The following FGF7 variants were observed in gnomAD, a reference collection of about 807,000 sequenced individuals.
The protein encoded by FGF7 is fibroblast growth factor 7, also known as FGF-7.
A neutral mutation model predicts 20.5 loss-of-function variants in FGF7; 6 were observed. That is an observed-to-expected ratio of 0.29 (90% CI 0.16 to 0.58). FGF7 has a LOEUF of 0.58. Among genes scored for constraint, FGF7 ranks in the 20% least tolerant of loss-of-function variants. The pLI is 0.90. For synonymous variants in FGF7, 64 were observed against 74.7 expected (o/e 0.86, Z 0.74); for missense variants, 144 against 228.8 (o/e 0.63, Z 2.39).
At chr15:49,431,721 G>A (rs1406540913) in intron 2 of FGF7, among the ~76,000 whole-genome samples, 3 of 151,670 alleles carry the variant, frequency 2.0e-5, no homozygotes, top group African/African-American at 7.2e-5. Context: ...AAGAGCAAAA[G>A]AGAAAAGGAA....
In FGF7 at chr15:49,431,701, C is replaced by G. The variant is rs552768678; in HGVS notation, c.286+7118C>G. Among the ~76,000 whole-genome samples, 136 of 151,624 alleles carry G rather than the reference C, an allele frequency of 9.0e-4. 5 individuals carry two copies. The South Asian group carries it at 0.027, about 30-fold the overall frequency. On this transcript the variant is annotated intron_variant, in intron 2 of 3. Transcript: ENST00000267843. ...AAGAGGAAGAAAATATCTTTGTGAA[C>G]AGGAGGAAAAAGAGCAAAAGAGAAA...
intron 2 of FGF7, among the ~76,000 whole-genome samples, chr15:49,427,977 T>C (rs539021980): frequency 6.6e-6 from 1 of 152,140 alleles, no homozygotes; most frequent in East Asian, 1.9e-4. Flanking sequence ...TTAATTACTG[T>C]GTTGTTTTGT....
rs1165172123 is a variant in FGF7 at position 49,477,220 on chromosome 15, G to A, written c.287-5931G>A. On this transcript the variant is annotated intron_variant, in intron 2 of 3. Coordinates refer to ENST00000267843, the MANE Select transcript of FGF7 (RefSeq NM_002009.4). ...GCCATCAGTTTATACTAAGGTCCACGTTTTGCTTTGTATAGTTCTATGAGT... is the reference window on the plus strand; with the variant it reads ...GCCATCAGTTTATACTAAGGTCCACATTTTGCTTTGTATAGTTCTATGAGT... Among the ~76,000 whole-genome samples, 8 of 152,196 alleles carry A rather than the reference G, an allele frequency of 5.3e-5. No homozygotes were observed. In the East Asian group the frequency reaches 5.8e-4, roughly 11 times the overall value.
chr15:49,433,232 C>A (rs2050772841), intron 2 of FGF7, among the ~76,000 whole-genome samples: 1 of 151,632 alleles, frequency 6.6e-6, no homozygotes, highest in African/African-American at 2.4e-5. Flanking sequence ...TGCTTTTCTA[C>A]CTGTGTACAG....
At chr15:49,459,725 C>T (rs1389037085) in intron 2 of FGF7, among the ~76,000 whole-genome samples, 1 of 152,128 alleles carries the variant, frequency 6.6e-6, no homozygotes, top group Admixed American at 6.6e-5. Flanking sequence ...CAAAACCAGG[C>T]TATAGTTCAT....
intron 2 of FGF7, among the ~76,000 whole-genome samples, chr15:49,433,573 C>A (rs1032987534): frequency 2.0e-5 from 3 of 151,662 alleles, no homozygotes; most frequent in African/African-American, 7.3e-5. Flanking sequence ...ACTTCCCTCT[C>A]ATTCTCTATC....
chr15:49,479,966 C>T (rs761009798), intron 2 of FGF7, among the ~76,000 whole-genome samples: 2 of 152,104 alleles, frequency 1.3e-5, no homozygotes, highest in African/African-American at 4.8e-5. Flanking sequence ...ACATCACTCC[C>T]CACACTGCAA....
At chr15:49,443,500 A>T (rs2051874625) in intron 2 of FGF7, among the ~76,000 whole-genome samples, 1 of 151,626 alleles carries the variant, frequency 6.6e-6, no homozygotes, top group Admixed American at 6.6e-5. Context: ...ATTTAAGCGA[A>T]TGATACAAAA....
chr15:49,479,599 GTTTTTTTTTT>G (rs56097665), intron 2 of FGF7, among the ~76,000 whole-genome samples: 3 of 63,322 alleles, frequency 4.7e-5, no homozygotes, highest in South Asian at 7.1e-4. Flanking sequence ...TAATACCTCT[GTTTTTTTTTT>G]TTTTTTTTTT....
At chr15:49,434,030 T>C (rs2050857062) in intron 2 of FGF7, among the ~76,000 whole-genome samples, 1 of 151,612 alleles carries the variant, frequency 6.6e-6, no homozygotes, top group African/African-American at 2.4e-5. Context: ...AGAGGGCATA[T>C]GCATAGGAAG....
In FGF7 at chr15:49,487,793, T is replaced by C. The variant is rs1435693279; in HGVS notation, c.*3289T>C. ...GATTTTTGCATCTTACTCCATAATA[T>C]ATTTGTGGTTGCGTTAATATGACAA... On this transcript the variant is annotated 3_prime_UTR_variant, in exon 4 of 4. Transcript: ENST00000267843. 6.6e-6 allele frequency: 1 copy of C among 151,960 alleles called. No homozygotes were observed. Among genetic ancestry groups the C allele is most frequent in the East Asian group, 1.9e-4 (1 of 5,196 alleles). The allele number at this position is 151,960 out of a possible 1,614,324, so 9.4% of individuals were successfully genotyped here.
At chr15:49,478,636 G>A (rs558318607) in intron 2 of FGF7, among the ~76,000 whole-genome samples, 1 of 152,120 alleles carries the variant, frequency 6.6e-6, no homozygotes, top group East Asian at 1.9e-4. Flanking sequence ...GTTCTGATTG[G>A]CTAACCATCA....
chr15:49,424,203 C>A lies in FGF7; in HGVS notation c.-95C>A. 1 of 1,108,132 alleles carries A rather than the reference C, an allele frequency of 9.0e-7. No homozygotes were observed. Among genetic ancestry groups the A allele is most frequent in the Non-Finnish European group, 1.3e-6 (1 of 763,494 alleles). 68.6% of individuals were successfully genotyped at this position (1,108,132 alleles called of 1,614,324 possible). On this transcript the variant is annotated 5_prime_UTR_variant, in exon 2 of 4. An upstream open reading frame in the 5' UTR gains an earlier in-frame stop. Coordinates refer to ENST00000267843, the MANE Select transcript of FGF7 (RefSeq NM_002009.4). ...CTCTTTCTTAAATCAATCTACAATT[C>A]ACAGATAGGAAGAGGTCAATGACCT...
At chr15:49,465,132 T>C (rs1364360474) in intron 2 of FGF7, among the ~76,000 whole-genome samples, 1 of 151,966 alleles carries the variant, frequency 6.6e-6, no homozygotes, top group African/African-American at 2.4e-5. Context: ...TTAATTTTAT[T>C]TTTATTTTAT....
intron 2 of FGF7, among the ~76,000 whole-genome samples, chr15:49,447,713 G>A (rs2052354969): frequency 6.6e-6 from 1 of 151,622 alleles, no homozygotes; most frequent in Non-Finnish European, 1.5e-5. Flanking sequence ...ATGGATAATT[G>A]TTAATACTTG....
rs1299819869 is a variant in FGF7 at position 49,485,963 on chromosome 15, G to T, written c.*1459G>T. On this transcript the variant is annotated 3_prime_UTR_variant, in exon 4 of 4. Transcript: ENST00000267843. ...ATAGAAGATGCAGTTAAGAATAAGG[G>T]GCCCTGAATGTCATGAAGGCTTGAG... is the stretch of plus-strand genomic sequence containing the variant. 2.0e-5 allele frequency: 3 copies of T among 151,848 alleles called. No homozygotes were observed. Among genetic ancestry groups the T allele is most frequent in the Non-Finnish European group, 4.4e-5 (3 of 67,930 alleles). The allele number at this position is 151,848 out of a possible 1,614,324, so 9.4% of individuals were successfully genotyped here.
chr15:49,437,671 G>T (rs2051231708), intron 2 of FGF7, among the ~76,000 whole-genome samples: 1 of 151,594 alleles, frequency 6.6e-6, no homozygotes. Flanking sequence ...AAGTTGCAGT[G>T]GCTCTTTCCA....
chr15:49,445,215 A>T (rs943992430), intron 2 of FGF7, among the ~76,000 whole-genome samples: 3 of 151,544 alleles, frequency 2.0e-5, no homozygotes, highest in Non-Finnish European at 4.4e-5. Context: ...GTATGATCCC[A>T]TTACCCAGGT....
At chr15:49,470,214 A>G (rs2151961676) in intron 2 of FGF7, among the ~76,000 whole-genome samples, 1 of 151,532 alleles carries the variant, frequency 6.6e-6, no homozygotes, top group East Asian at 2.0e-4. Context: ...ACCACATGTG[A>G]GAATACTTTA....
Sources: allele counts gnomAD v4.1 joint callset (sites outside exome capture counted in the v4.1 genomes callset), GRCh38; gene constraint gnomAD v4.1.1; transcripts MANE v1.5; gene names NCBI Gene and HGNC (gene_info 2026-07-23, HGNC 2026-07-21).